MYO3B: variants seen among roughly 807,000 people sequenced by gnomAD.
MYO3B encodes myosin IIIB.
Under a neutral mutation model 174.6 loss-of-function variants are expected in MYO3B, and 156 were observed. The observed-to-expected ratio is 0.89, with a 90% confidence interval of 0.78 to 1.02. The LOEUF is 1.02. Ranked by LOEUF, MYO3B falls within the 50% of genes least tolerant of loss-of-function variation. MYO3B has a pLI of 0.00. For missense variants in MYO3B, 1,632 were observed against 1,639.4 expected (o/e 1.00, Z 0.08); for synonymous variants, 563 against 569.1 (o/e 0.99, Z 0.15).
chr2:170,191,737 G>T (rs778043700), intron 1 of MYO3B, among the ~76,000 whole-genome samples: 9 of 152,152 alleles, frequency 5.9e-5, no homozygotes, highest in Non-Finnish European at 8.8e-5. Flanking sequence ...ATTCAAGATT[G>T]TCTGTCCTAC....
At chr2:170,627,769 G>T (rs895560203) in intron 32 of MYO3B, among the ~76,000 whole-genome samples, 2 of 152,244 alleles carry the variant, frequency 1.3e-5, no homozygotes, top group Non-Finnish European at 2.9e-5. Flanking sequence ...CCTTCTAACA[G>T]TCAGGACCTT....
At chr2:170,337,515 C>T (rs759968697) in intron 8 of MYO3B, among the ~76,000 whole-genome samples, 2 of 152,290 alleles carry the variant, frequency 1.3e-5, no homozygotes, top group Middle Eastern at 3.4e-3. Context: ...ATAAACTAAG[C>T]TCGGTGTTCC....
intron 23 of MYO3B, among the ~76,000 whole-genome samples, chr2:170,458,796 C>G (rs1684059497): frequency 6.6e-6 from 1 of 152,164 alleles, no homozygotes; most frequent in Non-Finnish European, 1.5e-5. Flanking sequence ...AGATCCATTC[C>G]AAGTTCAGGA....
intron 7 of MYO3B, among the ~76,000 whole-genome samples, chr2:170,272,402 C>G (rs1574693223): frequency 6.6e-6 from 1 of 152,128 alleles, no homozygotes; most frequent in South Asian, 2.1e-4. Flanking sequence ...CTCCCTACTT[C>G]CAGAGTTAAC....
At chr2:170,477,015 T>G (rs956092983) in intron 25 of MYO3B, among the ~76,000 whole-genome samples, 3 of 152,198 alleles carry the variant, frequency 2.0e-5, no homozygotes, top group Non-Finnish European at 4.4e-5. Context: ...GCCTCTTTCT[T>G]TGGACTCTCA....
chr2:170,233,379 A>C (rs1262936067), intron 6 of MYO3B, among the ~76,000 whole-genome samples: 1 of 152,232 alleles, frequency 6.6e-6, no homozygotes, highest in Non-Finnish European at 1.5e-5. Flanking sequence ...GTCATGAATA[A>C]CAGTGAACTA....
At chr2:170,268,270 T>G (rs1441521966) in intron 7 of MYO3B, among the ~76,000 whole-genome samples, 1 of 152,050 alleles carries the variant, frequency 6.6e-6, no homozygotes, top group Non-Finnish European at 1.5e-5. Flanking sequence ...TCCACTAAAG[T>G]AGGATCCTGT....
chr2:170,444,864 G>A (rs1254969972), intron 23 of MYO3B, among the ~76,000 whole-genome samples: 2 of 152,084 alleles, frequency 1.3e-5, no homozygotes, highest in African/African-American at 2.4e-5. Context: ...CAAAACATTA[G>A]TACTATCTGG....
rs549022833 is a variant in MYO3B, at chr2:170,330,323, T to C, written c.750-5062T>C. ...TGTCATTTTTTTTGCATGTATGTTC[T>C]CTTAATTCATCTTCCAAAGTAATGG... On this transcript the variant is annotated intron_variant, in intron 7 of 34. Transcript: ENST00000408978. Among the ~76,000 whole-genome samples the C allele has an allele frequency of 3.3e-5, 5 of 152,336 alleles. No individual in the cohort carries two copies. In the South Asian group the frequency reaches 1.0e-3, roughly 32 times the overall value.
intron 9 of MYO3B, among the ~76,000 whole-genome samples, chr2:170,376,200 T>C (rs1447571684): frequency 6.6e-6 from 1 of 152,192 alleles, no homozygotes; most frequent in African/African-American, 2.4e-5. Flanking sequence ...AGGGTCAAGA[T>C]ACAGCTCATG....
Position 170,466,578 on chromosome 2 carries a change from G to C in MYO3B, c.2881G>C (p.Asp961His). 1 of 1,614,224 alleles carries C rather than the reference G, an allele frequency of 6.2e-7. No individual in the cohort carries two copies. Among genetic ancestry groups the C allele is most frequent in the East Asian group, 2.2e-5 (1 of 44,888 alleles). ...PHFVRCIKPN[D>H]DREALQFSRE... is the part of the protein sequence containing the mutation. Reference sequence around the variant, plus strand: ...CTTTGTGCGCTGCATTAAACCCAATGATGACCGAGAGGCCCTGCAGTTCTC... The same window carrying C: ...CTTTGTGCGCTGCATTAAACCCAATCATGACCGAGAGGCCCTGCAGTTCTC... Residue 961 changes from aspartate to histidine, a missense_variant, in exon 25 of 35, where the codon GAT (aspartate) becomes CAT (histidine). Physicochemically the swap from Asp to His is moderately conservative, Grantham distance 81. Coordinates refer to ENST00000408978, the MANE Select transcript of MYO3B (RefSeq NM_138995.5).
At chr2:170,415,546 T>C (rs978615011) in intron 22 of MYO3B, among the ~76,000 whole-genome samples, 1 of 152,256 alleles carries the variant, frequency 6.6e-6, no homozygotes, top group Non-Finnish European at 1.5e-5. Context: ...CCTTAAAATA[T>C]ATCTGGCATA....
intron 9 of MYO3B, among the ~76,000 whole-genome samples, chr2:170,370,333 A>C (rs772133004): frequency 2.0e-5 from 3 of 152,104 alleles, no homozygotes; most frequent in Non-Finnish European, 4.4e-5. Context: ...TTGGCATCCA[A>C]ACTCTTGGAG....
chr2:170,540,125 C>A (rs115235927), intron 30 of MYO3B, among the ~76,000 whole-genome samples: 2,363 of 151,978 alleles, frequency 0.016, 56 homozygotes, highest in African/African-American at 0.053. Flanking sequence ...AGTTCGAGAC[C>A]AGCCTGTGCA....
In MYO3B at chr2:170,507,009, C is replaced by T. The variant is rs139237827; in HGVS notation, c.3370+5144C>T. Among the ~76,000 whole-genome samples the T allele has an allele frequency of 4.4e-3, 675 of 152,300 alleles. 5 individuals carry two copies. Among genetic ancestry groups the T allele is most frequent in the African/African-American group, 0.015 (638 of 41,568 alleles). On this transcript the variant is annotated intron_variant, in intron 28 of 34. Transcript: ENST00000408978. The stretch of plus-strand genomic sequence containing the variant: ...CATTTCTATTTCTTAGATCCCTGGT[C>T]ATTTCACACAAAAGCTAAATTCTTC...
chr2:170,236,558 A>G (rs970162351), intron 7 of MYO3B, among the ~76,000 whole-genome samples: 42 of 152,382 alleles, frequency 2.8e-4, no homozygotes, highest in African/African-American at 1.0e-3. Context: ...GAAATGTATC[A>G]GAAAATGTTA....
intron 25 of MYO3B, among the ~76,000 whole-genome samples, chr2:170,491,398 TTG>T (rs1227183237): frequency 6.6e-6 from 1 of 152,180 alleles, no homozygotes; most frequent in Admixed American, 6.5e-5. Flanking sequence ...TAGAACATAC[TTG>T]TGTGACTTGA....
intron 8 of MYO3B, among the ~76,000 whole-genome samples, chr2:170,350,106 A>G (rs937279205): frequency 1.3e-5 from 2 of 151,930 alleles, no homozygotes; most frequent in Non-Finnish European, 2.9e-5. Context: ...GGGTGAAGCA[A>G]TCCTCTTCCC....
At chr2:170,200,904 C>A (rs1338481547) in intron 3 of MYO3B, among the ~76,000 whole-genome samples, 1 of 152,174 alleles carries the variant, frequency 6.6e-6, no homozygotes, top group Non-Finnish European at 1.5e-5. Flanking sequence ...TCCACATCAG[C>A]CAATCATTGC....
Sources: allele counts gnomAD v4.1 joint callset (sites outside exome capture counted in the v4.1 genomes callset), GRCh38; gene constraint gnomAD v4.1.1; transcripts MANE v1.5; gene names NCBI Gene and HGNC (gene_info 2026-07-23, HGNC 2026-07-21).